The following ZC3H12B variants were observed in gnomAD, a reference collection of about 807,000 sequenced individuals.
ZC3H12B encodes the protein probable ribonuclease ZC3H12B.
Under a neutral mutation model 43.9 loss-of-function variants are expected in ZC3H12B, and 7 were observed. The ratio of observed to expected loss-of-function variants is 0.16; its 90% CI spans 0.09 to 0.30. The LOEUF (loss-of-function observed/expected upper bound fraction) is 0.30, where lower values mean the gene tolerates loss of function less well. Ranked by LOEUF, ZC3H12B falls within the 10% of genes least tolerant of loss-of-function variation. The pLI is 1.00. For missense variants in ZC3H12B, 475 were observed against 670.2 expected (o/e 0.71, Z 3.22); for synonymous variants, 222 against 241.7 (o/e 0.92, Z 0.76).
chrX:65,285,596 C>T, the ZC3H12B span, among the ~76,000 whole-genome samples: 1 of 111,000 alleles, frequency 9.0e-6, no homozygotes, highest in Non-Finnish European at 1.9e-5. Flanking sequence ...ATACTGCCAC[C>T]CAACAACAAA....
the ZC3H12B span, among the ~76,000 whole-genome samples, chrX:65,165,419 C>G: frequency 1.8e-5 from 2 of 112,053 alleles, no homozygotes; most frequent in Non-Finnish European, 3.8e-5. Context: ...TCCTAATGCT[C>G]ACACTTCATT....
At chrX:65,204,742 G>A in the ZC3H12B span, among the ~76,000 whole-genome samples, 1 of 111,925 alleles carries the variant, frequency 8.9e-6, no homozygotes. Flanking sequence ...CATCATCAAT[G>A]TTAACAAAAT....
intron 2 of ZC3H12B, among the ~76,000 whole-genome samples, chrX:65,369,928 T>A (rs1243992888): frequency 1.8e-5 from 2 of 110,827 alleles, no homozygotes; most frequent in Non-Finnish European, 1.9e-5. Context: ...TTCTTATAAT[T>A]TAGGAGTATT....
chrX:65,473,355 C>T (rs1052592599), intron 3 of ZC3H12B, among the ~76,000 whole-genome samples: 5 of 111,053 alleles, frequency 4.5e-5, no homozygotes, highest in African/African-American at 1.6e-4. Flanking sequence ...ATACCTCCAT[C>T]GTAGTTCCTC....
chrX:65,158,335 G>A, the ZC3H12B span, among the ~76,000 whole-genome samples: 2 of 111,446 alleles, frequency 1.8e-5, no homozygotes. Context: ...GTAGATCCCT[G>A]AGGAATCGCC....
At chrX:65,218,635 AC>A in the ZC3H12B span, among the ~76,000 whole-genome samples, 1 of 109,103 alleles carries the variant, frequency 9.2e-6, no homozygotes. Flanking sequence ...CAGGAACCAC[AC>A]CCCCATCCCC....
the ZC3H12B span, among the ~76,000 whole-genome samples, chrX:65,298,959 C>A: frequency 9.0e-6 from 1 of 111,309 alleles, no homozygotes; most frequent in East Asian, 2.8e-4. Context: ...CTCACTGTCA[C>A]AATAATAGCA....
the ZC3H12B span, among the ~76,000 whole-genome samples, chrX:65,123,620 G>A: frequency 9.5e-6 from 1 of 105,179 alleles, no homozygotes; most frequent in African/African-American, 3.9e-5. Flanking sequence ...AGCATAGGAT[G>A]TGTTTCTATT....
At chrX:65,449,606 G>C (rs1179145770) in intron 3 of ZC3H12B, among the ~76,000 whole-genome samples, 2 of 110,558 alleles carry the variant, frequency 1.8e-5, no homozygotes, top group East Asian at 2.9e-4. Flanking sequence ...GTGACAGAAT[G>C]AGACTCCATC....
At chrX:65,400,886 G>T (rs1569395215) in intron 3 of ZC3H12B, among the ~76,000 whole-genome samples, 1 of 111,474 alleles carries the variant, frequency 9.0e-6, no homozygotes, top group Non-Finnish European at 1.9e-5. Flanking sequence ...TTCATAGTAG[G>T]TAATCATTTC....
intron 3 of ZC3H12B, among the ~76,000 whole-genome samples, chrX:65,462,090 C>T (rs900962079): frequency 1.8e-5 from 2 of 111,250 alleles, no homozygotes; most frequent in African/African-American, 3.3e-5. Context: ...AAGAACTTGG[C>T]TATTTTTCCA....
the ZC3H12B span, among the ~76,000 whole-genome samples, chrX:65,338,144 TA>T: frequency 1.8e-5 from 2 of 111,777 alleles, no homozygotes; most frequent in South Asian, 3.7e-4. Context: ...AGTTAAGTGT[TA>T]TTTTTTTTCT....
the ZC3H12B span, among the ~76,000 whole-genome samples, chrX:65,275,679 A>C: frequency 8.9e-6 from 1 of 112,334 alleles, no homozygotes; most frequent in Non-Finnish European, 1.9e-5. Flanking sequence ...CCAACACCTC[A>C]AGACCCATTT....
the ZC3H12B span, among the ~76,000 whole-genome samples, chrX:65,351,056 TACCTG>T: frequency 2.7e-5 from 3 of 112,002 alleles, no homozygotes; most frequent in South Asian, 1.1e-3. Flanking sequence ...GGCATCATGC[TACCTG>T]ACTTCAAAAT....
At chrX:65,474,147 A>C (rs1307657701) in intron 3 of ZC3H12B, among the ~76,000 whole-genome samples, 1 of 112,000 alleles carries the variant, frequency 8.9e-6, no homozygotes, top group Non-Finnish European at 1.9e-5. Flanking sequence ...TTAGGTTCTC[A>C]GATGTTGGGT....
chrX:65,242,059 G>A, the ZC3H12B span, among the ~76,000 whole-genome samples: 1 of 111,082 alleles, frequency 9.0e-6, no homozygotes, highest in Non-Finnish European at 1.9e-5. Flanking sequence ...GTGGTTTCCC[G>A]AGTAAGGTTA....
At chrX:65,451,131 G>T (rs1215357277) in intron 3 of ZC3H12B, among the ~76,000 whole-genome samples, 2 of 109,372 alleles carry the variant, frequency 1.8e-5, no homozygotes, top group South Asian at 3.9e-4. Context: ...TGTATTTATA[G>T]TAGAGATGGG....
chrX:65,097,876 T>G, the ZC3H12B span, among the ~76,000 whole-genome samples: 1 of 111,855 alleles, frequency 8.9e-6, no homozygotes, highest in East Asian at 2.8e-4. Context: ...GGCTTTAGCC[T>G]TAATACAATT....
upstream of ZC3H12B, among the ~76,000 whole-genome samples, chrX:65,484,405 G>T (rs917101978): frequency 4.5e-5 from 5 of 112,138 alleles, no homozygotes; most frequent in Non-Finnish European, 9.4e-5. Flanking sequence ...GTTCAGAGGA[G>T]AAACCAAGAA....
Sources: gnomAD v4.1 joint callset for allele counts (sites outside exome capture counted in the v4.1 genomes callset) on GRCh38, gnomAD v4.1.1 for gene constraint, MANE v1.5 for transcripts, NCBI Gene and HGNC (gene_info 2026-07-23, HGNC 2026-07-21) for gene names.